Variants in EML1 observed in about 807,000 individuals in gnomAD.
The protein encoded by EML1 is EMAP like 1.
Under a neutral mutation model 110.4 loss-of-function variants are expected in EML1, and 27 were observed. The observed-to-expected ratio is 0.24, with a 90% confidence interval of 0.18 to 0.34. EML1 has a LOEUF of 0.34. Ranked by LOEUF, EML1 falls within the 10% of genes least tolerant of loss-of-function variation. The probability of loss-of-function intolerance (pLI) is 1.00; values close to 1 mark genes in which losing one functional copy is unlikely to be tolerated. For synonymous variants in EML1, 344 were observed against 385.8 expected, an observed-to-expected ratio of 0.89 and a Z score of 1.27; for missense variants, 741 against 1,030.9, an observed-to-expected ratio of 0.72 and a Z score of 3.85.
chr14:99,847,412 G>A (rs752874597), intron 1 of EML1, among the ~76,000 whole-genome samples: 15 of 152,032 alleles, frequency 9.9e-5, no homozygotes, highest in African/African-American at 1.4e-4. Context: ...GTGCAGTGGC[G>A]TGATCATAGT....
chr14:99,925,335 A>G (rs2060214809), intron 17 of EML1, among the ~76,000 whole-genome samples: 1 of 147,336 alleles, frequency 6.8e-6, no homozygotes, highest in African/African-American at 2.5e-5. Context: ...AACACGGCAC[A>G]CTGCAGCCCT....
intron 6 of EML1, among the ~76,000 whole-genome samples, chr14:99,895,459 G>A (rs1412735963): frequency 1.3e-5 from 2 of 152,142 alleles, no homozygotes; most frequent in Non-Finnish European, 2.9e-5. Context: ...TATTTATAAG[G>A]AAACAACAGT....
intron 1 of EML1, among the ~76,000 whole-genome samples, chr14:99,833,049 G>T: frequency 6.6e-6 from 1 of 152,084 alleles, no homozygotes; most frequent in East Asian, 1.9e-4. Flanking sequence ...ATGGATTGGG[G>T]TTTTGCTGTC....
chr14:99,748,055 GC>G (rs1246271418), intron 1 of EML1, among the ~76,000 whole-genome samples: 1 of 152,320 alleles, frequency 6.6e-6, no homozygotes, highest in Non-Finnish European at 1.5e-5. Context: ...CCTGGGAGGA[GC>G]CCCACTCACT....
chr14:99,793,571 C>CGGCGAGCGGCTGGT, intron 1 of EML1, 28 bp downstream of exon 1: 1 of 1,003,502 alleles, frequency 1.0e-6, no homozygotes, highest in Middle Eastern at 4.4e-4. Flanking sequence ...GGGGCCGGGG[C>CGGCGAGCGGCTGGT]GGCGAGCGGC....
At chr14:99,862,378 A>C (rs2059016471) in intron 2 of EML1, among the ~76,000 whole-genome samples, 1 of 152,212 alleles carries the variant, frequency 6.6e-6, no homozygotes, top group African/African-American at 2.4e-5. Context: ...CAACTTCGTC[A>C]TGTGGCTGTT....
intron 9 of EML1, among the ~76,000 whole-genome samples, chr14:99,903,793 T>C (rs894603869): frequency 2.0e-5 from 3 of 151,044 alleles, no homozygotes; most frequent in African/African-American, 7.3e-5. Context: ...TCATTTTTTT[T>C]TTTTTTTTGA....
chr14:99,792,734 C>T (rs775308148), upstream of EML1: 5 of 152,264 alleles, frequency 3.3e-5, no homozygotes, highest in African/African-American at 7.2e-5. Context: ...CAGCCTGGTA[C>T]CAGGATAGCC....
chr14:99,923,612 A>G (rs2060171747), intron 17 of EML1, among the ~76,000 whole-genome samples: 1 of 149,586 alleles, frequency 6.7e-6, no homozygotes, highest in African/African-American at 2.4e-5. Flanking sequence ...AGAAATGTAA[A>G]GGTTTATTTC....
In EML1 at chr14:99,936,080, G is replaced by A; in HGVS notation, c.1961G>A (p.Gly654Asp). The part of the protein sequence containing the change: ...GSHDNCIYIY[G>D]VSDNGRKYTR... ...CATGACAACTGCATCTATATATATGGCGTTAGTGACAACGGGAGGAAGTAC... is the reference window on the plus strand; with the variant it reads ...CATGACAACTGCATCTATATATATGACGTTAGTGACAACGGGAGGAAGTAC... The change falls in exon 18 of 22, where the codon GGC becomes GAC. Residue 654 changes from glycine (G) to aspartate (D), a missense_variant. By Grantham distance (94) the Gly-to-Asp change is moderately conservative. Coordinates refer to ENST00000262233, the MANE Select transcript of EML1 (RefSeq NM_004434.3). The surrounding 1 kb of genome is among the most constrained non-coding windows in gnomAD (Gnocchi z 5.5). 6.2e-7 allele frequency: 1 copy of A among 1,614,134 alleles called. No individual in the cohort carries two copies. Among genetic ancestry groups the A allele is most frequent in the Non-Finnish European group, 8.5e-7 (1 of 1,180,042 alleles).
At chr14:99,766,727 T>C (rs2057372609) in intron 1 of EML1, among the ~76,000 whole-genome samples, 1 of 152,210 alleles carries the variant, frequency 6.6e-6, no homozygotes, top group South Asian at 2.1e-4. Context: ...CATCAATAAT[T>C]TGTTTCACTT....
intron 1 of EML1, among the ~76,000 whole-genome samples, chr14:99,796,899 T>TTGTG (rs1180695003): frequency 2.2e-5 from 3 of 135,812 alleles, no homozygotes; most frequent in East Asian, 2.6e-4. Flanking sequence ...GTCTAAATCT[T>TTGTG]TGTGTGTGTA....
intron 3 of EML1, among the ~76,000 whole-genome samples, chr14:99,876,483 C>T (rs1034726054): frequency 1.3e-5 from 2 of 152,112 alleles, no homozygotes; most frequent in African/African-American, 2.4e-5. Context: ...CTCCTGGTGT[C>T]GCTGCTACCT....
intron 1 of EML1, among the ~76,000 whole-genome samples, chr14:99,840,880 A>G (rs1310893791): frequency 6.6e-6 from 1 of 152,210 alleles, no homozygotes; most frequent in Non-Finnish European, 1.5e-5. Context: ...TTTTTACAGT[A>G]AGAGAAAAAG....
chr14:99,804,076 C>T (rs1462809103), intron 1 of EML1, among the ~76,000 whole-genome samples: 1 of 152,230 alleles, frequency 6.6e-6, no homozygotes, highest in African/African-American at 2.4e-5. Context: ...AGTAATTAAG[C>T]AGGATTGCCC....
intron 4 of EML1, 21 bp from the exon 5 acceptor site, chr14:99,891,178 G>A (rs1168252896): frequency 6.2e-7 from 1 of 1,614,102 alleles, no homozygotes; most frequent in Admixed American, 1.7e-5. Flanking sequence ...TTTAAAAACT[G>A]TTTTTCGTTT....
At chr14:99,808,648 A>T (rs1007379409) in intron 1 of EML1, among the ~76,000 whole-genome samples, 20 of 152,170 alleles carry the variant, frequency 1.3e-4, no homozygotes, top group African/African-American at 4.6e-4. Flanking sequence ...TAACTCCCCA[A>T]ACAGGAATCT....
chr14:99,802,310 C>G (rs939100967), intron 1 of EML1, among the ~76,000 whole-genome samples: 7 of 152,012 alleles, frequency 4.6e-5, no homozygotes, highest in African/African-American at 1.7e-4. Flanking sequence ...TTCCTAGGAG[C>G]AGTGGGAATA....
intron 12 of EML1, among the ~76,000 whole-genome samples, chr14:99,911,106 A>G (rs1417421336): frequency 3.3e-5 from 5 of 152,166 alleles, no homozygotes; most frequent in African/African-American, 4.8e-5. Flanking sequence ...CTGAGGGTAG[A>G]GTAACTAAGC....
Sources: gnomAD v4.1 joint callset for allele counts (sites outside exome capture counted in the v4.1 genomes callset) on GRCh38, gnomAD v4.1.1 for gene constraint, Gnocchi (gnomAD v3.1) non-coding constraint, MANE v1.5 for transcripts, NCBI Gene and HGNC (gene_info 2026-07-23, HGNC 2026-07-21) for gene names.